NGF: variants seen among roughly 807,000 people sequenced by gnomAD.
The protein encoded by NGF is beta-nerve growth factor.
NGF carries 4 observed loss-of-function variants against 12.8 expected under a neutral mutation model. The observed-to-expected ratio is 0.31, with a 90% CI of 0.15 to 0.72. The LOEUF is 0.72. Ranked by LOEUF, NGF falls within the 30% of genes least tolerant of loss-of-function variation. The pLI is 0.69. For missense variants in NGF, 283 were observed against 330.8 expected, an observed-to-expected ratio of 0.86 and a Z score of 1.12; for synonymous variants, 140 against 130.0, an observed-to-expected ratio of 1.08 and a Z score of -0.52.
In NGF at chr1:115,331,133, T is replaced by G. The variant is rs180973796; in HGVS notation, c.-137+7071A>C. ...GAAGGGGCCTCAGCTTACTGGGCAT[T>G]GGCTATATTCCAGACTCTGAGGTAA... On this transcript the variant is annotated intron_variant, in intron 1 of 2. Transcript: ENST00000369512. 4.2e-3 allele frequency among the ~76,000 whole-genome samples: 644 copies of G among 152,332 alleles called. 2 individuals carry two copies. Among genetic ancestry groups the G allele is most frequent in the African/African-American group, 0.015 (621 of 41,564 alleles).
chr1:115,337,184 A>C (rs917154986), intron 1 of NGF, among the ~76,000 whole-genome samples: 7 of 150,866 alleles, frequency 4.6e-5, no homozygotes, highest in African/African-American at 1.7e-4. Flanking sequence ...CTCTTTTTTA[A>C]TCTCTCAAAT....
chr1:115,333,371 C>T (rs559053793), intron 1 of NGF, among the ~76,000 whole-genome samples: 3 of 152,158 alleles, frequency 2.0e-5, no homozygotes, highest in Admixed American at 6.5e-5. Flanking sequence ...TTCTTTCATT[C>T]GCAGGGCTCT....
At chr1:115,298,249 G>T (rs548979082) in intron 1 of NGF, among the ~76,000 whole-genome samples, 1 of 152,224 alleles carries the variant, frequency 6.6e-6, no homozygotes, top group Non-Finnish European at 1.5e-5. Context: ...GCCCATTATT[G>T]ACCATTATTA....
chr1:115,314,180 A>G (rs566877474), intron 1 of NGF, among the ~76,000 whole-genome samples: 16 of 152,206 alleles, frequency 1.1e-4, no homozygotes, highest in Non-Finnish European at 2.4e-4. Flanking sequence ...TAGTTTGTCT[A>G]CACGGTTCTG....
intron 1 of NGF, among the ~76,000 whole-genome samples, chr1:115,315,039 T>C (rs575501539): frequency 6.6e-6 from 1 of 152,268 alleles, no homozygotes; most frequent in South Asian, 2.1e-4. Context: ...GGATGGCCAG[T>C]GTGAGGTCCT....
intron 1 of NGF, among the ~76,000 whole-genome samples, chr1:115,297,864 G>A (rs1653917997): frequency 1.3e-5 from 2 of 152,212 alleles, no homozygotes. Context: ...CAGAGATTCT[G>A]ATTTCATTGA....
chr1:115,332,489 CA>C (rs1654949153), intron 1 of NGF, among the ~76,000 whole-genome samples: 1 of 149,866 alleles, frequency 6.7e-6, no homozygotes, highest in South Asian at 2.1e-4. Context: ...TAAAAACATA[CA>C]AAAAAGATGT....
rs1654602313 is a variant in NGF at position 115,320,775 on chromosome 1, G to A, written c.-137+17429C>T. Among the ~76,000 whole-genome samples, 7 of 152,226 alleles carry A rather than the reference G, an allele frequency of 4.6e-5. No individual in the cohort carries two copies. The South Asian group carries it at 1.4e-3, about 32-fold the overall frequency. On this transcript the variant is annotated intron_variant, in intron 1 of 2. Transcript: ENST00000369512. ...GACCACTGTATATGAAGCCCATGAA[G>A]TGTTGGTAAAAAATGGCTCTACAAA... is the stretch of plus-strand genomic sequence containing the variant.
At chr1:115,317,496 A>C (rs972815129) in intron 1 of NGF, among the ~76,000 whole-genome samples, 10 of 152,318 alleles carry the variant, frequency 6.6e-5, no homozygotes, top group Admixed American at 2.0e-4. Flanking sequence ...TCTCAATTAG[A>C]AAAAAGAAAT....
At chr1:115,296,274 G>T (rs1402529940) in intron 1 of NGF, among the ~76,000 whole-genome samples, 1 of 152,184 alleles carries the variant, frequency 6.6e-6, no homozygotes, top group Non-Finnish European at 1.5e-5. Flanking sequence ...TAGACTTGCA[G>T]TACCCACTTC....
intron 1 of NGF, among the ~76,000 whole-genome samples, chr1:115,294,839 G>C (rs910733385): frequency 5.9e-5 from 9 of 152,210 alleles, no homozygotes; most frequent in African/African-American, 2.2e-4. Flanking sequence ...GAGCCAGGAA[G>C]AGCCAGGTCT....
intron 1 of NGF, among the ~76,000 whole-genome samples, chr1:115,333,697 C>CTTTCT (rs1655006597): frequency 9.7e-6 from 1 of 102,566 alleles, no homozygotes; most frequent in African/African-American, 5.2e-5. Context: ...TTCTTTCTTT[C>CTTTCT]TTTCTTTCTT....
intron 1 of NGF, among the ~76,000 whole-genome samples, chr1:115,326,049 G>T (rs567273581): frequency 6.6e-6 from 1 of 152,060 alleles, no homozygotes; most frequent in Non-Finnish European, 1.5e-5. Flanking sequence ...TGAACATCCG[G>T]AAGTCGTAGA....
At chr1:115,316,190 C>G (rs763454485) in intron 1 of NGF, among the ~76,000 whole-genome samples, 11 of 152,120 alleles carry the variant, frequency 7.2e-5, no homozygotes, top group Non-Finnish European at 1.2e-4. Flanking sequence ...AGTCATCACC[C>G]ATTTGGGCTC....
chr1:115,286,695 T>C lies in NGF; in HGVS notation c.101A>G (p.Gln34Arg), dbSNP rs1653520468. 1.2e-6 allele frequency: 2 copies of C among 1,614,120 alleles called. No individual in the cohort carries two copies. The highest frequency in any genetic ancestry group is 2.7e-5 in the African/African-American group (2 of 75,036). ...ATGCTGAAGTTTAGTCCAGTGGGCT[T>C]GGGGGATGGTGTGTCCTGCAGGGAC... ...SNVPAGHTIP[Q>R]AHWTKLQHSL... The change falls in exon 3 of 3, where the codon CAA (glutamine) becomes CGA (arginine). Residue 34 changes from glutamine (Q) to arginine (R), a missense_variant. By Grantham distance (43) the Gln-to-Arg change is conservative (BLOSUM62 1). Transcript: ENST00000369512.
chr1:115,312,650 G>GTCTA (rs1654365397), intron 1 of NGF, among the ~76,000 whole-genome samples: 1 of 152,146 alleles, frequency 6.6e-6, no homozygotes, highest in South Asian at 2.1e-4. Flanking sequence ...TTGCCTTGGT[G>GTCTA]TCTAGGTAGA....
intron 1 of NGF, among the ~76,000 whole-genome samples, chr1:115,324,112 A>G (rs1292108133): frequency 6.6e-6 from 1 of 152,124 alleles, no homozygotes; most frequent in Non-Finnish European, 1.5e-5. Context: ...GATGGAGGTG[A>G]ACACCCACCC....
chr1:115,287,896 G>A (rs1436903675), intron 2 of NGF, among the ~76,000 whole-genome samples: 4 of 152,176 alleles, frequency 2.6e-5, no homozygotes, highest in Non-Finnish European at 5.9e-5. Flanking sequence ...TCTGCTCCTG[G>A]AGGGCCTCTC....
At chr1:115,319,644 T>C (rs1482128046) in intron 1 of NGF, among the ~76,000 whole-genome samples, 3 of 152,178 alleles carry the variant, frequency 2.0e-5, no homozygotes, top group Admixed American at 6.5e-5. Flanking sequence ...AAATCATACA[T>C]AGTATGAACT....
Sources: allele counts gnomAD v4.1 joint callset (sites outside exome capture counted in the v4.1 genomes callset), GRCh38; gene constraint gnomAD v4.1.1; transcripts MANE v1.5; gene names NCBI Gene and HGNC (gene_info 2026-07-23, HGNC 2026-07-21).